Variants in EHF observed in about 807,000 individuals in gnomAD.
EHF encodes the protein ESE3 transcription factor.
Under a neutral mutation model 45.1 loss-of-function variants are expected in EHF, and 14 were observed. That is an observed-to-expected ratio of 0.31 (90% CI 0.21 to 0.49). EHF has a LOEUF of 0.49. Among genes scored for constraint, EHF ranks in the 20% least tolerant of loss-of-function variants. The probability of loss-of-function intolerance (pLI) is 0.99; values close to 1 mark genes in which losing one functional copy is unlikely to be tolerated. For synonymous variants in EHF, 136 were observed against 131.8 expected (o/e 1.03, Z -0.22); for missense variants, 282 against 371.4 (o/e 0.76, Z 1.98).
intron 4 of EHF, 58 bp from the exon 5 acceptor site, chr11:34,651,484 G>A: frequency 6.9e-7 from 1 of 1,443,704 alleles, no homozygotes; most frequent in Non-Finnish European, 9.7e-7. Context: ...AGAAAACGCA[G>A]CCTCTTCTCC....
chr11:34,646,963 A>T lies in EHF; in HGVS notation c.343+279A>T, dbSNP rs748554390. ...CAAAAGCTGGCTAGGAATTCGTAGA[A>T]TACTTACTATCCTTGGAAAATGTTT... On this transcript the variant is annotated intron_variant, in intron 3 of 8. Transcript: ENST00000257831. The T allele has an allele frequency of 9.2e-4, 457 of 498,546 alleles. 8 individuals carry two copies. The highest frequency in any genetic ancestry group is 5.0e-4 in the Middle Eastern group (1 of 1,990). 30.9% of individuals were successfully genotyped at this position (498,546 alleles called of 1,614,324 possible). A position where few individuals can be genotyped will look rare whatever the true frequency, so the allele number is the denominator to read the frequency against.
intron 3 of EHF, among the ~76,000 whole-genome samples, chr11:34,648,266 G>A (rs758868061): frequency 4.7e-4 from 71 of 152,112 alleles, no homozygotes; most frequent in Admixed American, 2.4e-3. Flanking sequence ...TGTCAGAGAG[G>A]TTAAAGGCAT....
intron 3 of EHF, among the ~76,000 whole-genome samples, chr11:34,647,493 G>A (rs757636963): frequency 6.6e-6 from 1 of 151,886 alleles, no homozygotes; most frequent in African/African-American, 2.4e-5. Flanking sequence ...ACTGGCATAA[G>A]GTTCCCCTGA....
intron 1 of EHF, among the ~76,000 whole-genome samples, chr11:34,625,037 G>A (rs1852251231): frequency 6.6e-6 from 1 of 152,132 alleles, no homozygotes; most frequent in African/African-American, 2.4e-5. Flanking sequence ...GGTGGTGGGA[G>A]TACCTGGGGG....
At chr11:34,653,401 C>T (rs1855385365) in intron 6 of EHF, among the ~76,000 whole-genome samples, 1 of 152,192 alleles carries the variant, frequency 6.6e-6, no homozygotes, top group African/African-American at 2.4e-5. Flanking sequence ...CAATAGGGGC[C>T]TTAGAGGCCA....
chr11:34,652,843 A>G (rs1855304721), intron 6 of EHF, among the ~76,000 whole-genome samples: 1 of 152,240 alleles, frequency 6.6e-6, no homozygotes, highest in African/African-American at 2.4e-5. Flanking sequence ...CTGGGAGCCA[A>G]TGTAAATGCT....
chr11:34,622,470 T>A, intron 1 of EHF: 1 of 1,132,926 alleles, frequency 8.8e-7, no homozygotes, highest in Non-Finnish European at 1.2e-6. Flanking sequence ...AGAGATTCTG[T>A]GTGACTGTGT....
intron 6 of EHF, among the ~76,000 whole-genome samples, chr11:34,652,693 T>A (rs761006252): frequency 7.7e-6 from 1 of 130,108 alleles, no homozygotes; most frequent in Non-Finnish European, 1.9e-5. Flanking sequence ...TGGGATTTAA[T>A]TGGGTCTTTG....
At chr11:34,623,164 C>T (rs1341142361) in intron 1 of EHF, among the ~76,000 whole-genome samples, 3 of 152,128 alleles carry the variant, frequency 2.0e-5, no homozygotes, top group South Asian at 2.1e-4. Context: ...TGGCTGACTG[C>T]AACCTCCGCC....
chr11:34,641,353 G>T (rs1230177460), intron 1 of EHF, among the ~76,000 whole-genome samples: 1 of 152,158 alleles, frequency 6.6e-6, no homozygotes, highest in Non-Finnish European at 1.5e-5. Context: ...ATAAATATTT[G>T]TTGAATAAAT....
chr11:34,639,478 C>A (rs1017411072), intron 1 of EHF, among the ~76,000 whole-genome samples: 1 of 152,166 alleles, frequency 6.6e-6, no homozygotes, highest in Non-Finnish European at 1.5e-5. Flanking sequence ...TCTCAACAGT[C>A]CTGTGAGGCT....
At chr11:34,656,162 C>T (rs1388073375) in intron 6 of EHF, among the ~76,000 whole-genome samples, 5 of 152,134 alleles carry the variant, frequency 3.3e-5, no homozygotes, top group Middle Eastern at 3.4e-3. Flanking sequence ...TTCCCAGGTC[C>T]GCCTCCATCA....
At chr11:34,629,640 G>A (rs1285864284) in intron 1 of EHF, among the ~76,000 whole-genome samples, 1 of 152,220 alleles carries the variant, frequency 6.6e-6, no homozygotes, top group East Asian at 1.9e-4. Flanking sequence ...TCAAAACAGG[G>A]ATGTGGACGT....
chr11:34,640,298 G>T (rs1853858729), intron 1 of EHF, among the ~76,000 whole-genome samples: 1 of 152,184 alleles, frequency 6.6e-6, no homozygotes, highest in Non-Finnish European at 1.5e-5. Flanking sequence ...GGCCCAGGCA[G>T]GTGCTGCCAC....
intron 4 of EHF, among the ~76,000 whole-genome samples, chr11:34,650,761 G>C (rs567427576): frequency 6.6e-6 from 1 of 152,320 alleles, no homozygotes; most frequent in Non-Finnish European, 1.5e-5. Context: ...GTAGGTGGAG[G>C]GGAGTTCCCT....
In EHF at chr11:34,646,614, G is replaced by C. The variant is rs142561444; in HGVS notation, c.273G>C (p.Gln91His). Residue 91 changes from glutamine to histidine, a missense_variant, in exon 3 of 9, where the codon CAG becomes CAC. Physicochemically the swap from Gln to His is conservative, Grantham distance 24. Coordinates refer to ENST00000257831, the MANE Select transcript of EHF (RefSeq NM_012153.6). ...AGCACCTCTGCAGCATGAGTTTGCA[G>C]GAGTTCACCCGGGCGGCAGGGACGG... is the stretch of plus-strand genomic sequence containing the variant. ...NGEHLCSMSL[Q>H]EFTRAAGTAG... 6.2e-7 allele frequency: 1 copy of C among 1,613,888 alleles called. No homozygotes were observed. Among genetic ancestry groups the C allele is most frequent in the East Asian group, 2.2e-5 (1 of 44,878 alleles).
At chr11:34,644,707 A>AG (rs1398387153) in intron 2 of EHF, among the ~76,000 whole-genome samples, 1 of 152,182 alleles carries the variant, frequency 6.6e-6, no homozygotes, top group Non-Finnish European at 1.5e-5. Flanking sequence ...CTCTCCTCTG[A>AG]GGGTGTTGTG....
In EHF at chr11:34,638,510, C is replaced by T. The variant is rs574170216; in HGVS notation, c.-3-4118C>T. On this transcript the variant is annotated intron_variant, in intron 1 of 8. Coordinates refer to ENST00000257831, the MANE Select transcript of EHF (RefSeq NM_012153.6). ...GCTAAGGGACAGCCTAAGTTTGTCACGTCAGTAAGAGCAAAGCCTGAGCTG... is the reference window on the plus strand; with the variant it reads ...GCTAAGGGACAGCCTAAGTTTGTCATGTCAGTAAGAGCAAAGCCTGAGCTG... 3.3e-5 allele frequency among the ~76,000 whole-genome samples: 5 copies of T among 152,264 alleles called. No homozygotes were observed. The South Asian group carries it at 6.2e-4, about 19-fold the overall frequency.
chr11:34,650,319 C>A (rs965088054), intron 4 of EHF, among the ~76,000 whole-genome samples: 2 of 152,166 alleles, frequency 1.3e-5, no homozygotes, highest in African/African-American at 2.4e-5. Context: ...GGGGCCAACA[C>A]CCCCATACCT....
Sources: gnomAD v4.1 joint callset for allele counts (sites outside exome capture counted in the v4.1 genomes callset) on GRCh38, gnomAD v4.1.1 for gene constraint, MANE v1.5 for transcripts, NCBI Gene and HGNC (gene_info 2026-07-23, HGNC 2026-07-21) for gene names.